Variants in CSMD1 observed in about 807,000 individuals in gnomAD.
CSMD1 encodes CUB and sushi domain-containing protein 1.
Under a neutral mutation model 417.5 loss-of-function variants are expected in CSMD1, and 213 were observed. The observed-to-expected ratio is 0.51, with a 90% confidence interval of 0.46 to 0.57. The LOEUF (loss-of-function observed/expected upper bound fraction) is 0.57. Among genes scored for constraint, CSMD1 ranks in the 20% least tolerant of loss-of-function variants. CSMD1 has a pLI of 0.00. For synonymous variants in CSMD1, 2,862 were observed against 1,736.8 expected, an observed-to-expected ratio of 1.65 and a Z score of -16.11; for missense variants, 6,923 against 4,529.7, an observed-to-expected ratio of 1.53 and a Z score of -15.17.
chr8:3,570,550 T>C lies in CSMD1; in HGVS notation c.1344+4395A>G, dbSNP rs963823834. ...TTGAGAACTGAGGGGAAATATTGTC[T>C]CCGCTCTAGAGAGGGGGCAGGAAAA... On this transcript the variant is annotated intron_variant, in intron 10 of 69. Transcript: ENST00000635120. Among the ~76,000 whole-genome samples the C allele has an allele frequency of 5.6e-5, 5 of 89,080 alleles. No individual in the cohort carries two copies. In the Admixed American group the frequency reaches 6.5e-4, roughly 11 times the overall value. 58.4% of individuals were successfully genotyped at this position (89,080 alleles called of 152,430 possible). A position where few individuals can be genotyped will look rare whatever the true frequency, so the allele number is the denominator to read the frequency against.
chr8:4,334,785 G>A (rs1040797184), intron 3 of CSMD1, among the ~76,000 whole-genome samples: 2 of 152,088 alleles, frequency 1.3e-5, no homozygotes, highest in South Asian at 2.1e-4. Flanking sequence ...ATTTTAGTCT[G>A]TTTGGGCTGC....
chr8:4,264,607 T>C (rs73500614), intron 3 of CSMD1, among the ~76,000 whole-genome samples: 1,641 of 152,222 alleles, frequency 0.011, 31 homozygotes, highest in African/African-American at 0.036. Context: ...CTAGGGTAGA[T>C]AGCAGTAAGG....
At chr8:4,836,311 A>G (rs529132399) in intron 1 of CSMD1, among the ~76,000 whole-genome samples, 1 of 152,296 alleles carries the variant, frequency 6.6e-6, no homozygotes, top group South Asian at 2.1e-4. Flanking sequence ...GTTAATTAAC[A>G]CACTTTAGCA....
At chr8:3,363,695 T>G (rs949012264) in intron 20 of CSMD1, among the ~76,000 whole-genome samples, 15 of 152,106 alleles carry the variant, frequency 9.9e-5, no homozygotes, top group African/African-American at 3.6e-4. Flanking sequence ...GGCTTTTGAA[T>G]GAAGAGAAAA....
At chr8:3,034,122 T>A (rs77631431) in intron 50 of CSMD1, among the ~76,000 whole-genome samples, 5,024 of 152,332 alleles carry the variant, frequency 0.033, 286 homozygotes, top group African/African-American at 0.12. Context: ...GGCTGCCTGA[T>A]TGATACACCT....
Position 4,966,881 on chromosome 8 carries a change from A to G in CSMD1, c.85+27451T>C, listed in dbSNP as rs941129355. On this transcript the variant is annotated intron_variant, in intron 1 of 69. Transcript: ENST00000635120. ...GTAAGATCATCTTTCCCTTATTCAC[A>G]AGCACGGTTAAAAATATCAACTAAA... is the stretch of plus-strand genomic sequence containing the variant. Among the ~76,000 whole-genome samples, 5 of 152,296 alleles carry G rather than the reference A, an allele frequency of 3.3e-5. 1 individual carries two copies. In the South Asian group the frequency reaches 1.0e-3, roughly 32 times the overall value.
At chr8:4,443,365 A>G (rs1251455655) in intron 2 of CSMD1, among the ~76,000 whole-genome samples, 1 of 152,236 alleles carries the variant, frequency 6.6e-6, no homozygotes, top group Non-Finnish European at 1.5e-5. Context: ...TCTTTGAAAC[A>G]ACGGCTTTGA....
intron 1 of CSMD1, among the ~76,000 whole-genome samples, chr8:4,961,815 C>G (rs765530156): frequency 2.0e-5 from 3 of 152,042 alleles, no homozygotes; most frequent in African/African-American, 2.4e-5. Context: ...TACTGCTAAT[C>G]TACTTTCTTG....
chr8:4,109,671 T>C (rs1278848496), intron 3 of CSMD1, among the ~76,000 whole-genome samples: 1 of 152,144 alleles, frequency 6.6e-6, no homozygotes, highest in African/African-American at 2.4e-5. Context: ...TCCATTATCA[T>C]TAAATAATTT....
At chr8:3,502,483 A>C (rs1477460101) in intron 10 of CSMD1, among the ~76,000 whole-genome samples, 1 of 152,170 alleles carries the variant, frequency 6.6e-6, no homozygotes, top group African/African-American at 2.4e-5. Context: ...TCAGCAGGTG[A>C]ATGGATAAAC....
intron 15 of CSMD1, among the ~76,000 whole-genome samples, chr8:3,403,412 TTC>T (rs1445752997): frequency 2.0e-5 from 3 of 152,218 alleles, no homozygotes; most frequent in Admixed American, 2.0e-4. Flanking sequence ...GTCCCCTACC[TTC>T]TCTGAGGCTC....
chr8:3,614,311 G>A (rs1001242447), intron 8 of CSMD1, among the ~76,000 whole-genome samples: 2 of 151,736 alleles, frequency 1.3e-5, no homozygotes, highest in African/African-American at 2.4e-5. Context: ...TTTCCCTGAC[G>A]GGCTATACGT....
At chr8:3,893,906 A>T (rs916353885) in intron 5 of CSMD1, among the ~76,000 whole-genome samples, 1 of 152,120 alleles carries the variant, frequency 6.6e-6, no homozygotes, top group Non-Finnish European at 1.5e-5. Context: ...GAGACATGCA[A>T]TTCATGAGCA....
chr8:4,101,683 G>C (rs934177321), intron 3 of CSMD1, among the ~76,000 whole-genome samples: 1 of 152,174 alleles, frequency 6.6e-6, no homozygotes, highest in East Asian at 1.9e-4. Flanking sequence ...TGAAAGTGAT[G>C]GTAACCAAAT....
At chr8:3,287,189 G>C (rs1184867380) in intron 25 of CSMD1, among the ~76,000 whole-genome samples, 2 of 148,506 alleles carry the variant, frequency 1.3e-5, no homozygotes, top group Admixed American at 6.9e-5. Context: ...CTCTATCTCT[G>C]TTTTGGTTAC....
At chr8:3,656,224 C>T (rs1004205917) in intron 7 of CSMD1, among the ~76,000 whole-genome samples, 1 of 152,068 alleles carries the variant, frequency 6.6e-6, no homozygotes, top group Non-Finnish European at 1.5e-5. Flanking sequence ...TAGACATAAC[C>T]ATGTGAGGGA....
At chr8:4,792,091 T>C (rs1222263257) in intron 1 of CSMD1, among the ~76,000 whole-genome samples, 1 of 152,182 alleles carries the variant, frequency 6.6e-6, no homozygotes, top group African/African-American at 2.4e-5. Flanking sequence ...TCTTTCTATA[T>C]GGAGATCCCT....
intron 5 of CSMD1, among the ~76,000 whole-genome samples, chr8:3,839,728 T>C (rs994606625): frequency 6.6e-6 from 1 of 150,540 alleles, no homozygotes; most frequent in African/African-American, 2.4e-5. Flanking sequence ...TTTAAAGCAC[T>C]TCGCTTGCTG....
intron 26 of CSMD1, chr8:3,278,490 G>A (rs1203268618): frequency 6.6e-6 from 1 of 152,034 alleles, no homozygotes; most frequent in African/African-American, 2.4e-5. Context: ...ATTTTTGCTT[G>A]GAAACAATGG....
Sources: allele counts gnomAD v4.1 joint callset (sites outside exome capture counted in the v4.1 genomes callset), GRCh38; gene constraint gnomAD v4.1.1; transcripts MANE v1.5; gene names NCBI Gene and HGNC (gene_info 2026-07-23, HGNC 2026-07-21).